The following ACER1 variants were observed in gnomAD, a reference collection of about 807,000 sequenced individuals.
The protein encoded by ACER1 is CTB-180A7.3.
In ACER1, 28 loss-of-function variants were observed where a neutral mutation model predicts 24.9. The observed-to-expected ratio is 1.13, with a 90% CI of 0.83 to 1.54. The LOEUF is 1.54. ACER1 is among the 40% of genes most tolerant of loss of function. The pLI is 0.00. For missense variants in ACER1, 352 were observed against 349.3 expected (o/e 1.01, Z -0.06); for synonymous variants, 132 against 131.4 (o/e 1.00, Z -0.03).
At chr19:6,320,102 CAA>C (rs59776363) in intron 1 of ACER1, among the ~76,000 whole-genome samples, 115 of 101,466 alleles carry the variant, frequency 1.1e-3, no homozygotes, top group Admixed American at 1.7e-3. Context: ...GATTCTGTCT[CAA>C]AAAAAAAAAA....
chr19:6,320,120 A>C (rs2091622744), intron 1 of ACER1, among the ~76,000 whole-genome samples: 1 of 146,220 alleles, frequency 6.8e-6, no homozygotes, highest in South Asian at 2.2e-4. Flanking sequence ...AAAAAAAAAA[A>C]GGAAAGAAAG....
intron 3 of ACER1, among the ~76,000 whole-genome samples, chr19:6,310,126 C>T (rs900583630): frequency 1.3e-5 from 2 of 151,618 alleles, no homozygotes; most frequent in African/African-American, 4.8e-5. Context: ...CTCGCTCTGT[C>T]GCCCAGGCTG....
chr19:6,342,029 G>T, the ACER1 span, among the ~76,000 whole-genome samples: 1 of 152,132 alleles, frequency 6.6e-6, no homozygotes, highest in African/African-American at 2.4e-5. Context: ...TTAATATTTG[G>T]AAAGTGTTTT....
chr19:6,341,615 T>TTGTTG, the ACER1 span, among the ~76,000 whole-genome samples: 1 of 150,458 alleles, frequency 6.6e-6, no homozygotes, highest in African/African-American at 2.5e-5. Flanking sequence ...TTCTTTTGTT[T>TTGTTG]TGTTTTGTTT....
intron 1 of ACER1, among the ~76,000 whole-genome samples, chr19:6,314,815 A>G (rs956413756): frequency 1.3e-5 from 2 of 152,208 alleles, no homozygotes; most frequent in African/African-American, 4.8e-5. Flanking sequence ...ACAGGTGAAG[A>G]TATGAAATCA....
chr19:6,357,758 G>A, the ACER1 span, among the ~76,000 whole-genome samples: 14,126 of 146,228 alleles, frequency 0.097, 1,441 homozygotes, highest in African/African-American at 0.27. Context: ...GTGAGACCCC[G>A]TCTCAAAAAA....
chr19:6,311,349 G>A (rs1022605061), intron 3 of ACER1, among the ~76,000 whole-genome samples: 2 of 152,024 alleles, frequency 1.3e-5, no homozygotes, highest in African/African-American at 2.4e-5. Flanking sequence ...ATCGAGACCA[G>A]CCTGGCCAAC....
intron 1 of ACER1, among the ~76,000 whole-genome samples, chr19:6,331,510 G>A (rs553968272): frequency 6.6e-6 from 1 of 151,192 alleles, no homozygotes; most frequent in Admixed American, 6.6e-5. Context: ...TAAGCACTAC[G>A]AGGCCGGGCG....
At position 6,307,226 on chromosome 19, in the gene ACER1, T is replaced by G; in HGVS notation, c.553A>C (p.Thr185Pro). 1 of 1,614,040 alleles carries G rather than the reference T, an allele frequency of 6.2e-7. No homozygotes were observed. Among genetic ancestry groups the G allele is most frequent in the Non-Finnish European group, 8.5e-7 (1 of 1,180,024 alleles). The change falls in exon 5 of 6, where the codon ACC becomes CCC. Residue 185 changes from threonine (T) to proline (P), a missense_variant. Coordinates refer to ENST00000301452, the MANE Select transcript of ACER1 (RefSeq NM_133492.3). ...AGCAGACGGTCACTGATCCAGCTGG[T>G]CAGAGCAACAGCCCATAAAACCACG... The part of the protein sequence containing the change: ...VSVVLWAVAL[T>P]SWISDRLLCS...
chr19:6,333,402 G>A, intron 1 of ACER1, 57 bp downstream of exon 1: 1 of 1,427,326 alleles, frequency 7.0e-7, no homozygotes, highest in Non-Finnish European at 9.6e-7. Context: ...TGTATGGGGA[G>A]GAACCGGGAT....
chr19:6,342,725 A>G, the ACER1 span, among the ~76,000 whole-genome samples: 1 of 152,072 alleles, frequency 6.6e-6, no homozygotes, highest in Non-Finnish European at 1.5e-5. Context: ...TCTCAAAAAA[A>G]TAAATAAATA....
the ACER1 span, among the ~76,000 whole-genome samples, chr19:6,355,691 C>T: frequency 7.0e-6 from 1 of 143,702 alleles, no homozygotes; most frequent in Non-Finnish European, 1.5e-5. Context: ...CCCGGCCACC[C>T]CTACTGGGAA....
the ACER1 span, among the ~76,000 whole-genome samples, chr19:6,356,335 G>C: frequency 6.7e-6 from 1 of 149,004 alleles, no homozygotes; most frequent in East Asian, 1.9e-4. Flanking sequence ...CAAACACTGC[G>C]GAAGGCCGCA....
At chr19:6,326,334 GC>G (rs1370821677) in intron 1 of ACER1, among the ~76,000 whole-genome samples, 1 of 152,006 alleles carries the variant, frequency 6.6e-6, no homozygotes, top group Non-Finnish European at 1.5e-5. Context: ...CACCGTGTTA[GC>G]CAGGATGGTC....
the ACER1 span, among the ~76,000 whole-genome samples, chr19:6,346,975 T>C: frequency 3.0e-4 from 46 of 151,228 alleles, no homozygotes; most frequent in East Asian, 4.3e-3. Context: ...AAAAGATGTG[T>C]TGCAGACAGG....
At chr19:6,318,966 G>T (rs1258984063) in intron 1 of ACER1, among the ~76,000 whole-genome samples, 1 of 151,530 alleles carries the variant, frequency 6.6e-6, no homozygotes, top group African/African-American at 2.4e-5. Flanking sequence ...CTCTTCGCTT[G>T]TATCAGTAAA....
the ACER1 span, among the ~76,000 whole-genome samples, chr19:6,341,465 A>G: frequency 6.7e-6 from 1 of 149,504 alleles, no homozygotes; most frequent in African/African-American, 2.5e-5. Flanking sequence ...TCGAAGTTGC[A>G]GTGAGCTATG....
the ACER1 span, among the ~76,000 whole-genome samples, chr19:6,359,970 C>A: frequency 3.3e-5 from 5 of 152,240 alleles, no homozygotes; most frequent in East Asian, 9.6e-4. Context: ...GCAGTGGGCA[C>A]CTCTTAGATA....
chr19:6,348,322 G>A, the ACER1 span, among the ~76,000 whole-genome samples: 8,999 of 151,652 alleles, frequency 0.059, 387 homozygotes, highest in African/African-American at 0.12. Context: ...AAAATTAGCT[G>A]GGTGTGGTGG....
Sources: allele counts gnomAD v4.1 joint callset (sites outside exome capture counted in the v4.1 genomes callset), GRCh38; gene constraint gnomAD v4.1.1; transcripts MANE v1.5; gene names NCBI Gene and HGNC (gene_info 2026-07-23, HGNC 2026-07-21).